ANKRD11: variants seen among roughly 807,000 people sequenced by gnomAD.
ANKRD11 encodes the protein ankyrin repeat domain-containing protein 11.
In ANKRD11, 17 loss-of-function variants were observed where a neutral mutation model predicts 195.7. That is an observed-to-expected ratio of 0.09 (90% CI 0.06 to 0.13). ANKRD11 has a LOEUF of 0.13. Among genes scored for constraint, ANKRD11 ranks in the 10% least tolerant of loss-of-function variants. The pLI is 1.00. For synonymous variants in ANKRD11, 1,953 were observed against 1,528.1 expected (o/e 1.28, Z -6.49); for missense variants, 3,735 against 3,566.1 (o/e 1.05, Z -1.21).
chr16:89,461,713 T>C (rs1433737796), intron 1 of ANKRD11, among the ~76,000 whole-genome samples: 1 of 152,202 alleles, frequency 6.6e-6, no homozygotes, highest in Non-Finnish European at 1.5e-5. Context: ...GCCATCTTAT[T>C]TAGGCTACCT....
chr16:89,389,312 A>C (rs946460000), intron 2 of ANKRD11, among the ~76,000 whole-genome samples: 4 of 152,168 alleles, frequency 2.6e-5, no homozygotes, highest in Admixed American at 2.6e-4. Context: ...GGCGTGAGCC[A>C]CCACACCCGA....
At chr16:89,308,895 G>T in intron 3 of ANKRD11, among the ~76,000 whole-genome samples, 1 of 152,192 alleles carries the variant, frequency 6.6e-6, no homozygotes, top group Non-Finnish European at 1.5e-5. Flanking sequence ...AACACAGGAG[G>T]TGCGCGCAGC....
chr16:89,423,142 C>G (rs531698809), intron 1 of ANKRD11, among the ~76,000 whole-genome samples: 1 of 152,320 alleles, frequency 6.6e-6, no homozygotes, highest in East Asian at 1.9e-4. Flanking sequence ...GCCACCTTCC[C>G]AACACCCTCA....
intron 7 of ANKRD11, 171 bp from the exon 8 acceptor site, chr16:89,286,357 G>T: frequency 1.1e-6 from 1 of 948,362 alleles, no homozygotes; most frequent in Non-Finnish European, 1.6e-6. Context: ...GCGAGGCTCT[G>T]GGTGTGGTGG....
intron 2 of ANKRD11, among the ~76,000 whole-genome samples, chr16:89,327,713 G>C (rs2037810333): frequency 7.6e-6 from 1 of 131,970 alleles, no homozygotes; most frequent in African/African-American, 2.9e-5. Context: ...AATAAAGACA[G>C]TACCATTTAT....
chr16:89,339,530 C>T (rs1020642699), intron 2 of ANKRD11, among the ~76,000 whole-genome samples: 8 of 152,128 alleles, frequency 5.3e-5, no homozygotes, highest in Admixed American at 3.9e-4. Context: ...CAAACCATTT[C>T]GGAAATTTAG....
At chr16:89,477,547 G>A (rs1336575028) in intron 1 of ANKRD11, among the ~76,000 whole-genome samples, 2 of 151,902 alleles carry the variant, frequency 1.3e-5, no homozygotes, top group African/African-American at 4.8e-5. Context: ...AGAAGAGACA[G>A]GGTTTCACCA....
rs1597582607 is a variant in ANKRD11 at position 89,490,318 on chromosome 16, C to A, written c.-218G>T. On this transcript the variant is annotated 5_prime_UTR_variant, in exon 1 of 13. Transcript: ENST00000301030. ...GGGCGCTGCCCATGCAGCCCGCGGC[C>A]GCGTTTCCCGGGCCGCGCGGCCCGA... 6.8e-6 allele frequency: 1 copy of A among 147,208 alleles called. No individual in the cohort carries two copies. Among genetic ancestry groups the A allele is most frequent in the Non-Finnish European group, 1.5e-5 (1 of 65,960 alleles). The allele number at this position is 147,208 out of a possible 1,614,324, so 9.1% of individuals were successfully genotyped here. A position where few individuals can be genotyped will look rare whatever the true frequency, so the allele number is the denominator to read the frequency against.
intron 2 of ANKRD11, among the ~76,000 whole-genome samples, chr16:89,365,220 T>G (rs1482525499): frequency 1.3e-5 from 2 of 152,184 alleles, no homozygotes; most frequent in Admixed American, 6.5e-5. Context: ...GAAGGGGAAG[T>G]TCCAGAGCTG....
chr16:89,426,617 C>T (rs1456253688), intron 1 of ANKRD11, among the ~76,000 whole-genome samples: 1 of 151,568 alleles, frequency 6.6e-6, no homozygotes, highest in Non-Finnish European at 1.5e-5. Context: ...TTCAGAAAGC[C>T]TAAATCAGGC....
intron 2 of ANKRD11, among the ~76,000 whole-genome samples, chr16:89,398,280 G>GAAACAGCTGAAGATTACCTGTA (rs1567749587): frequency 1.1e-3 from 64 of 57,452 alleles, no homozygotes; most frequent in Non-Finnish European, 2.2e-3. Context: ...GATTACCTGT[G>GAAACAGCTGAAGATTACCTGTA]ACCTCAGCAC....
intron 1 of ANKRD11, among the ~76,000 whole-genome samples, chr16:89,430,477 T>C (rs2042930162): frequency 6.6e-6 from 1 of 150,646 alleles, no homozygotes; most frequent in Non-Finnish European, 1.5e-5. Flanking sequence ...CAGCAGGGAC[T>C]CTCAACTCTC....
intron 3 of ANKRD11, among the ~76,000 whole-genome samples, chr16:89,306,153 G>GCGC (rs1241511585): frequency 1.9e-5 from 1 of 53,710 alleles, no homozygotes. Flanking sequence ...CCGCAGACAC[G>GCGC]CACCACCTCC....
chr16:89,490,014 C>T lies in ANKRD11; in HGVS notation c.-145+231G>A, dbSNP rs1415331538. Among the ~76,000 whole-genome samples the T allele has an allele frequency of 4.0e-5, 6 of 148,186 alleles. No individual in the cohort carries two copies. In the East Asian group the frequency reaches 1.2e-3, roughly 30 times the overall value. On this transcript the variant is annotated intron_variant, in intron 1 of 12. Transcript: ENST00000301030. ...CACGGCCACCCCGGGCCCCCAAAGA[C>T]CCCCGGCTGCCCCGAACCCGGACCC...
chr16:89,327,725 G>C (rs906910068), intron 2 of ANKRD11, among the ~76,000 whole-genome samples: 2 of 151,996 alleles, frequency 1.3e-5, no homozygotes, highest in Non-Finnish European at 2.9e-5. Flanking sequence ...ACCATTTATA[G>C]GTGCTCCAAA....
Position 89,283,546 on chromosome 16 carries a change from G to A in ANKRD11, c.2996C>T (p.Pro999Leu), listed in dbSNP as rs780895582. Residue 999 changes from proline (P) to leucine (L), a missense_variant, in exon 9 of 13, where the codon CCG becomes CTG. Physicochemically the swap from Pro to Leu is moderately conservative, Grantham distance 98. Coordinates refer to ENST00000301030, the MANE Select transcript of ANKRD11 (RefSeq NM_013275.6). This position sits in a 1 kb window ranked among gnomAD's most constrained non-coding sequence, Gnocchi z 4.3. ...TCGTGCTGGGTGGTGCCGTTCCCAC[G>A]GCTCCAGGCCCTTCCCAAAGTCGCC... ...SDGDFGKGLE[P>L]WERHHPAREK... 47 of 1,612,394 alleles carry A rather than the reference G, an allele frequency of 2.9e-5. No homozygotes were observed. The East Asian group carries it at 3.3e-4, about 11-fold the overall frequency.
In ANKRD11 at chr16:89,285,417, C is replaced by T. The variant is rs775965950; in HGVS notation, c.1125G>A (p.Thr375=). 9.3e-6 allele frequency: 15 copies of T among 1,613,966 alleles called. No homozygotes were observed. Among genetic ancestry groups the T allele is most frequent in the African/African-American group, 5.3e-5 (4 of 74,874 alleles). The change falls in exon 9 of 13, where the codon ACG becomes ACA. Residue 375 remains threonine, a synonymous_variant. Coordinates refer to ENST00000301030, the MANE Select transcript of ANKRD11 (RefSeq NM_013275.6). The surrounding 1 kb of genome is among the most constrained non-coding windows in gnomAD (Gnocchi z 5.6). The stretch of plus-strand genomic sequence containing the variant: ...GTATAGAGATAAAACTATTGGATTT[C>T]GTTTCTTTTCTGTAGTCCTTTTTCA... ...HLLKKDYRKE[T]KSNSFISIPK...
rs192232335 is a variant in ANKRD11, at chr16:89,379,387, G to A, written c.-60+38897C>T. Among the ~76,000 whole-genome samples, 13 of 152,306 alleles carry A rather than the reference G, an allele frequency of 8.5e-5. No individual in the cohort carries two copies. In the South Asian group the frequency reaches 2.3e-3, roughly 27 times the overall value. On this transcript the variant is annotated intron_variant, in intron 2 of 12. Transcript: ENST00000301030. ...GTGAACGGGGCTTTCATTATATGTC[G>A]AAAGCTGACCATGGGGAACAGGCCC...
intron 1 of ANKRD11, among the ~76,000 whole-genome samples, chr16:89,483,699 G>A (rs1438023576): frequency 3.3e-5 from 5 of 151,858 alleles, no homozygotes; most frequent in African/African-American, 4.8e-5. Context: ...GTGGTGGCGC[G>A]TGCCTGTAAT....
Sources: gnomAD v4.1 joint callset for allele counts (sites outside exome capture counted in the v4.1 genomes callset) on GRCh38, gnomAD v4.1.1 for gene constraint, Gnocchi (gnomAD v3.1) non-coding constraint, MANE v1.5 for transcripts, NCBI Gene and HGNC (gene_info 2026-07-23, HGNC 2026-07-21) for gene names.